FREM1: variants seen among roughly 807,000 people sequenced by gnomAD.
FREM1 encodes FRAS1-related extracellular matrix protein 1.
A neutral mutation model predicts 210.1 loss-of-function variants in FREM1; 220 were observed. That is an observed-to-expected ratio of 1.05 (90% confidence interval 0.94 to 1.17). The LOEUF is 1.17. Ranked by LOEUF, FREM1 falls within the 50% of genes most tolerant of loss-of-function variation. FREM1 has a pLI of 0.00. For missense variants in FREM1, 3,454 were observed against 2,675.5 expected (o/e 1.29, Z -6.42); for synonymous variants, 1,189 against 980.2 (o/e 1.21, Z -3.98).
At position 14,852,482 on chromosome 9, in the gene FREM1, G is replaced by A. The variant is rs552474526; in HGVS notation, c.829-875C>T. Among the ~76,000 whole-genome samples, 3 of 152,224 alleles carry A rather than the reference G, an allele frequency of 2.0e-5. No homozygotes were observed. The East Asian group carries it at 5.8e-4, about 30-fold the overall frequency. On this transcript the variant is annotated intron_variant, in intron 5 of 36. Coordinates refer to ENST00000380880, the MANE Select transcript of FREM1 (RefSeq NM_001379081.2). Reference sequence around the variant, plus strand: ...GTGGGAGGATTGCTTGATGCCAGGAGTTTGAGACCAGCCTAGGCAACAGAA... The same window carrying A: ...GTGGGAGGATTGCTTGATGCCAGGAATTTGAGACCAGCCTAGGCAACAGAA...
Position 14,868,739 on chromosome 9 carries a change from C to T in FREM1, c.234+5G>A. On this transcript the variant is annotated splice_donor_5th_base_variant and intron_variant, in intron 2 of 36. Transcript: ENST00000380880. ...ACTGAACAGAAAATCGCAGATAGGA[C>T]CTACCTGTGGAGTGAGTTTCCCAAC... 6.3e-7 allele frequency: 1 copy of T among 1,587,368 alleles called. No individual in the cohort carries two copies. Among genetic ancestry groups the T allele is most frequent in the Non-Finnish European group, 8.6e-7 (1 of 1,159,526 alleles).
At chr9:14,764,007 C>G (rs1273580359) in intron 27 of FREM1, among the ~76,000 whole-genome samples, 3 of 152,162 alleles carry the variant, frequency 2.0e-5, no homozygotes, top group Non-Finnish European at 4.4e-5. Context: ...TGTAGCTCAT[C>G]TTGAATTGCA....
intron 19 of FREM1, among the ~76,000 whole-genome samples, chr9:14,804,204 T>C (rs1200200463): frequency 1.3e-5 from 2 of 152,192 alleles, no homozygotes; most frequent in African/African-American, 4.8e-5. Context: ...AAAAAAATTA[T>C]GCGAAGCTTA....
At chr9:14,747,210 G>T (rs1340605913) in intron 33 of FREM1, 54 bp downstream of exon 33, 2 of 1,586,356 alleles carry the variant, frequency 1.3e-6, no homozygotes, top group African/African-American at 2.7e-5. Context: ...TGTGTTTCTG[G>T]CCCAGCAAAC....
intron 1 of FREM1, among the ~76,000 whole-genome samples, chr9:14,875,317 A>G (rs945901496): frequency 2.0e-5 from 3 of 152,208 alleles, no homozygotes; most frequent in Non-Finnish European, 2.9e-5. Context: ...TACACCAATC[A>G]GACGTAGATT....
chr9:14,828,518 A>G (rs1413296052), intron 10 of FREM1, among the ~76,000 whole-genome samples: 1 of 151,784 alleles, frequency 6.6e-6, no homozygotes, highest in East Asian at 1.9e-4. Flanking sequence ...GTACATAAAT[A>G]TGTACTAAAT....
chr9:14,773,079 T>C (rs1847882237), intron 25 of FREM1, among the ~76,000 whole-genome samples: 1 of 152,196 alleles, frequency 6.6e-6, no homozygotes, highest in Non-Finnish European at 1.5e-5. Flanking sequence ...CCAGAAGCAT[T>C]TTTAAATATT....
chr9:14,753,915 A>G (rs1168199655), intron 29 of FREM1, among the ~76,000 whole-genome samples: 1 of 152,208 alleles, frequency 6.6e-6, no homozygotes, highest in Non-Finnish European at 1.5e-5. Context: ...TGTCTAAATA[A>G]TATCTAAAAT....
intron 25 of FREM1, among the ~76,000 whole-genome samples, chr9:14,773,172 G>A (rs988984977): frequency 8.5e-5 from 13 of 152,082 alleles, no homozygotes; most frequent in Non-Finnish European, 4.4e-5. Flanking sequence ...GAAAGCAATG[G>A]CATCACATTT....
intron 16 of FREM1, among the ~76,000 whole-genome samples, chr9:14,810,154 A>G (rs1218980723): frequency 6.6e-6 from 1 of 152,082 alleles, no homozygotes; most frequent in Non-Finnish European, 1.5e-5. Flanking sequence ...CAGATAAGGT[A>G]GAACATTGGG....
chr9:14,756,241 G>A (rs1464407837), intron 29 of FREM1, 133 bp downstream of exon 29: 1 of 658,352 alleles, frequency 1.5e-6, no homozygotes, highest in Non-Finnish European at 2.6e-6. Flanking sequence ...AGAGTGAGGT[G>A]GTATGGCTCC....
At chr9:14,759,440 G>A (rs1845040600) in intron 28 of FREM1, among the ~76,000 whole-genome samples, 1 of 151,284 alleles carries the variant, frequency 6.6e-6, no homozygotes, top group African/African-American at 2.4e-5. Flanking sequence ...AATCTGGGAG[G>A]TGGAGGTTGC....
chr9:14,846,871 C>T (rs1826725350), intron 7 of FREM1, among the ~76,000 whole-genome samples: 1 of 152,166 alleles, frequency 6.6e-6, no homozygotes, highest in South Asian at 2.1e-4. Context: ...TGCAGCCGCC[C>T]CATGAGGGTT....
chr9:14,855,039 C>T (rs1452507789), intron 5 of FREM1, among the ~76,000 whole-genome samples: 1 of 151,468 alleles, frequency 6.6e-6, no homozygotes, highest in Non-Finnish European at 1.5e-5. Flanking sequence ...TCCTTAGGGG[C>T]TTTTTTTTAA....
rs548504425 is a variant in FREM1 at position 14,776,641 on chromosome 9, C to T, written c.4443-438G>A. 2.0e-5 allele frequency among the ~76,000 whole-genome samples: 3 copies of T among 152,254 alleles called. No homozygotes were observed. The South Asian group carries it at 6.2e-4, about 32-fold the overall frequency. On this transcript the variant is annotated intron_variant, in intron 24 of 36. Coordinates refer to ENST00000380880, the MANE Select transcript of FREM1 (RefSeq NM_001379081.2). ...TAATAGACTAAAGTTGTAAGTCTGACAACTGGGAGGCCAATACAATAAAGT... is the reference window on the plus strand; with the variant it reads ...TAATAGACTAAAGTTGTAAGTCTGATAACTGGGAGGCCAATACAATAAAGT...
At position 14,836,342 on chromosome 9, in the gene FREM1, A is replaced by G. The variant is rs1342024200; in HGVS notation, c.1881+5105T>C. Among the ~76,000 whole-genome samples the G allele has an allele frequency of 1.3e-5, 2 of 152,218 alleles. No individual in the cohort carries two copies. The highest frequency in any genetic ancestry group is 6.5e-5 in the Admixed American group (1 of 15,290). On this transcript the variant is annotated intron_variant, in intron 10 of 36. Transcript: ENST00000380880. This position sits in a 1 kb window ranked among gnomAD's most constrained non-coding sequence, Gnocchi z 4.9. ...TAACTGGGATAATAGTTACTGACAA[A>G]AAGAAAGCGTAAAAGTTTTACTATC... is the stretch of plus-strand genomic sequence containing the variant.
intron 24 of FREM1, chr9:14,779,478 C>G (rs2132728891): frequency 1.0e-6 from 1 of 985,282 alleles, no homozygotes; most frequent in South Asian, 4.7e-5. Flanking sequence ...GTGCCAGGGA[C>G]TCCATCAGAG....
intron 3 of FREM1, 24 bp downstream of exon 3, chr9:14,863,785 G>A (rs779832264): frequency 7.0e-6 from 10 of 1,435,588 alleles, no homozygotes; most frequent in Non-Finnish European, 9.8e-6. Context: ...GGCAGCAAAT[G>A]AGCGATGTTC....
chr9:14,772,034 T>G (rs933419872), intron 25 of FREM1, among the ~76,000 whole-genome samples: 1 of 152,012 alleles, frequency 6.6e-6, no homozygotes, highest in African/African-American at 2.4e-5. Context: ...AGATTACAAC[T>G]CCTCCTCTGT....
Sources: allele counts gnomAD v4.1 joint callset (sites outside exome capture counted in the v4.1 genomes callset), GRCh38; gene constraint gnomAD v4.1.1; non-coding constraint Gnocchi (gnomAD v3.1); transcripts MANE v1.5; gene names NCBI Gene and HGNC (gene_info 2026-07-23, HGNC 2026-07-21).